Variants in MCF2L observed in about 807,000 individuals in gnomAD.
MCF2L encodes MCF.2 cell line derived transforming sequence like.
A neutral mutation model predicts 153.4 loss-of-function variants in MCF2L; 97 were observed. The observed-to-expected ratio is 0.63, with a 90% CI of 0.54 to 0.75. The LOEUF (loss-of-function observed/expected upper bound fraction) is 0.75. MCF2L is among the 30% of genes least tolerant of loss of function. The pLI is 0.00. For synonymous variants in MCF2L, 659 were observed against 632.2 expected (o/e 1.04, Z -0.64); for missense variants, 1,347 against 1,495.2 (o/e 0.90, Z 1.64).
Position 113,087,446 on chromosome 13 carries a change from A to G in MCF2L, c.2585A>G (p.Gln862Arg), listed in dbSNP as rs759521210. 7 of 1,608,274 alleles carry G rather than the reference A, an allele frequency of 4.4e-6. No individual in the cohort carries two copies. The highest frequency in any genetic ancestry group is 3.4e-5 in the Admixed American group (2 of 59,656). ...AAAGCTCCCTCCTACAGCTACAAGC[A>G]GTCCTTAAACGTAAGTGAGGCCGGG... ...YEKAPSYSYK[Q>R]SLNMAAVGIT... is the part of the protein sequence containing the mutation. The change falls in exon 22 of 30, where the codon CAG becomes CGG. Residue 862 changes from glutamine to arginine, a missense_variant. Coordinates refer to ENST00000535094, the MANE Select transcript of MCF2L (RefSeq NM_001112732.3).
intron 2 of MCF2L, among the ~76,000 whole-genome samples, chr13:112,961,081 GTCTGC>G (rs2081819361): frequency 7.4e-6 from 1 of 134,340 alleles, no homozygotes; most frequent in Non-Finnish European, 1.7e-5. Flanking sequence ...ACCAAGGGGA[GTCTGC>G]TATGCCTCCA....
At chr13:113,057,499 TGA>T in intron 4 of MCF2L, among the ~76,000 whole-genome samples, 1 of 114,600 alleles carries the variant, frequency 8.7e-6, no homozygotes, top group African/African-American at 3.4e-5. Context: ...GAGTGGGCGC[TGA>T]GTGTTTGGGT....
At chr13:112,981,891 C>T (rs1047844764) in intron 1 of MCF2L, among the ~76,000 whole-genome samples, 1 of 152,256 alleles carries the variant, frequency 6.6e-6, no homozygotes, top group Non-Finnish European at 1.5e-5. Context: ...CTCGGCACCC[C>T]GCAGGTTTTC....
At chr13:113,020,622 G>GC (rs2084811683) in intron 2 of MCF2L, among the ~76,000 whole-genome samples, 1 of 152,210 alleles carries the variant, frequency 6.6e-6, no homozygotes, top group Non-Finnish European at 1.5e-5. Flanking sequence ...GGCGAGCAGA[G>GC]CAAGCCCACA....
chr13:112,903,690 A>G (rs1029685643), intron 2 of MCF2L, among the ~76,000 whole-genome samples: 2 of 152,154 alleles, frequency 1.3e-5, no homozygotes, highest in African/African-American at 4.8e-5. Context: ...TTTGATTTCC[A>G]TCACTTCCCT....
chr13:112,964,837 C>T (rs908285660), upstream of MCF2L: 2 of 152,208 alleles, frequency 1.3e-5, no homozygotes, highest in African/African-American at 4.8e-5. Context: ...CTAGGTGATG[C>T]TGTTAAAGTA....
chr13:112,929,393 C>T (rs905602028), intron 2 of MCF2L, among the ~76,000 whole-genome samples: 1 of 152,244 alleles, frequency 6.6e-6, no homozygotes, highest in Non-Finnish European at 1.5e-5. Flanking sequence ...GTTTGGTCTT[C>T]TTGGCACACT....
At chr13:112,902,338 C>G in exon 2 of MCF2L, 1 of 1,612,830 alleles carries the variant, frequency 6.2e-7, no homozygotes. Context: ...CAGGCTTGTT[C>G]AAGACACACC....
chr13:113,046,135 G>T lies in MCF2L; in HGVS notation c.369+774G>T, dbSNP rs1235241941. ...GAGGGAAGAGATTAAGTCAGCAGAA[G>T]CCCCCAAATCTTATTTTTGTCGGTA... On this transcript the variant is annotated intron_variant, in intron 4 of 29. Coordinates refer to ENST00000535094, the MANE Select transcript of MCF2L (RefSeq NM_001112732.3). The surrounding 1 kb of genome is among the most constrained non-coding windows in gnomAD (Gnocchi z 4.4). 6.2e-6 allele frequency: 1 copy of T among 162,176 alleles called. No individual in the cohort carries two copies. The highest frequency in any genetic ancestry group is 1.8e-4 in the East Asian group (1 of 5,418). 10.0% of individuals were successfully genotyped at this position (162,176 alleles called of 1,614,324 possible). A position where few individuals can be genotyped will look rare whatever the true frequency, so the allele number is the denominator to read the frequency against.
chr13:112,962,592 C>T (rs1274495547), intron 2 of MCF2L, among the ~76,000 whole-genome samples: 3 of 152,152 alleles, frequency 2.0e-5, no homozygotes, highest in Admixed American at 6.5e-5. Flanking sequence ...TTGCCCAGAC[C>T]GCAGCAATCA....
At chr13:112,920,830 G>A (rs1474396875) in intron 2 of MCF2L, among the ~76,000 whole-genome samples, 6 of 152,074 alleles carry the variant, frequency 3.9e-5, no homozygotes, top group Non-Finnish European at 8.8e-5. Flanking sequence ...GGCTCACAAA[G>A]AGCAGTGCAG....
At position 113,078,733 on chromosome 13, in the gene MCF2L, T is replaced by C; in HGVS notation, c.1802T>C (p.Leu601Pro). 1 of 1,601,192 alleles carries C rather than the reference T, an allele frequency of 6.2e-7. No homozygotes were observed. Among genetic ancestry groups the C allele is most frequent in the Non-Finnish European group, 8.5e-7 (1 of 1,177,456 alleles). The change falls in exon 15 of 30, where the codon CTG becomes CCG. Residue 601 changes from leucine (L) to proline (P), a missense_variant. By Grantham distance (98) the Leu-to-Pro change is moderately conservative. Transcript: ENST00000535094. Reference sequence around the variant, plus strand: ...GAGGAGGAGGAAAGCCTGGCCATCCTGCGCAGGTGGGTGCGCTGCCCTTCT... The same window carrying C: ...GAGGAGGAGGAAAGCCTGGCCATCCCGCGCAGGTGGGTGCGCTGCCCTTCT... ...AGEEEESLAI[L>P]RRHVMSELLD... is the part of the protein sequence containing the mutation.
intron 27 of MCF2L, chr13:113,094,941 C>T (rs1347120634): frequency 2.9e-6 from 4 of 1,382,976 alleles, no homozygotes; most frequent in African/African-American, 1.5e-5. Context: ...GTCTCAGCAG[C>T]ACTTTGTGTT....
At chr13:113,094,410 C>A in intron 26 of MCF2L, 104 bp from the exon 27 acceptor site, 1 of 1,253,456 alleles carries the variant, frequency 8.0e-7, no homozygotes, top group Non-Finnish European at 1.1e-6. Context: ...GGGCCCACGG[C>A]ACACATTTCA....
intron 1 of MCF2L, among the ~76,000 whole-genome samples, chr13:112,979,114 C>T (rs985692555): frequency 1.3e-5 from 2 of 152,258 alleles, no homozygotes; most frequent in African/African-American, 4.8e-5. Context: ...AGCTCGGCAG[C>T]AGACGGGAGC....
chr13:113,010,488 C>G (rs1199476328), intron 1 of MCF2L, among the ~76,000 whole-genome samples: 1 of 152,214 alleles, frequency 6.6e-6, no homozygotes, highest in Non-Finnish European at 1.5e-5. Flanking sequence ...CCAAGGGCAC[C>G]TCTGCCCTTC....
At chr13:113,001,772 A>G in intron 1 of MCF2L, 1 of 1,394,642 alleles carries the variant, frequency 7.2e-7, no homozygotes, top group Non-Finnish European at 9.3e-7. Flanking sequence ...TGCAGAGGCC[A>G]GGTCTGCCCA....
intron 9 of MCF2L, among the ~76,000 whole-genome samples, chr13:113,072,213 G>A (rs924478893): frequency 5.3e-5 from 8 of 152,270 alleles, no homozygotes; most frequent in East Asian, 3.9e-4. Flanking sequence ...CTGAGCACAC[G>A]TATTTGAGAT....
At chr13:112,895,838 C>T (rs1273619249) in intron 1 of MCF2L, among the ~76,000 whole-genome samples, 1 of 151,898 alleles carries the variant, frequency 6.6e-6, no homozygotes, top group Non-Finnish European at 1.5e-5. Context: ...CAGGCGTCCC[C>T]GATTTCACCG....
Sources: allele counts gnomAD v4.1 joint callset (sites outside exome capture counted in the v4.1 genomes callset), GRCh38; gene constraint gnomAD v4.1.1; non-coding constraint Gnocchi (gnomAD v3.1); transcripts MANE v1.5; gene names NCBI Gene and HGNC (gene_info 2026-07-23, HGNC 2026-07-21).